The following TOM1L2 variants were observed in gnomAD, a reference collection of about 807,000 sequenced individuals.
TOM1L2 encodes TOM1-like protein 2.
A neutral mutation model predicts 67.9 loss-of-function variants in TOM1L2; 31 were observed. That is an observed-to-expected ratio of 0.46 (90% confidence interval 0.34 to 0.62). The LOEUF (loss-of-function observed/expected upper bound fraction) is 0.62. Ranked by LOEUF, TOM1L2 falls within the 20% of genes least tolerant of loss-of-function variation. The probability of loss-of-function intolerance (pLI) is 0.01; values close to 1 mark genes in which losing one functional copy is unlikely to be tolerated. For synonymous variants in TOM1L2, 256 were observed against 254.0 expected (o/e 1.01, Z -0.07); for missense variants, 606 against 663.5 (o/e 0.91, Z 0.95).
chr17:17,920,824 G>A (rs1239987720), intron 1 of TOM1L2, among the ~76,000 whole-genome samples: 1 of 145,880 alleles, frequency 6.9e-6, no homozygotes, highest in African/African-American at 2.5e-5. Context: ...TAGTAGAGAC[G>A]GGGGTTTCAC....
intron 12 of TOM1L2, among the ~76,000 whole-genome samples, chr17:17,854,412 G>A (rs1598180474): frequency 6.6e-6 from 1 of 152,142 alleles, no homozygotes. Flanking sequence ...GGAGGCCTCG[G>A]TATCCTCATC....
intron 1 of TOM1L2, among the ~76,000 whole-genome samples, chr17:17,923,416 AAACAAC>A (rs546461322): frequency 1.4e-4 from 21 of 151,964 alleles, no homozygotes; most frequent in African/African-American, 2.9e-4. Context: ...AACAACAACA[AAACAAC>A]AACAACAACA....
chr17:17,861,346 G>T (rs1003424230), intron 12 of TOM1L2, 130 bp downstream of exon 12: 2 of 776,264 alleles, frequency 2.6e-6, no homozygotes, highest in Non-Finnish European at 4.2e-6. Flanking sequence ...GTCCCCCGTG[G>T]GTCTCTCCCC....
At chr17:17,869,620 T>TAGA in intron 7 of TOM1L2, 147 bp from the exon 8 acceptor site, 1 of 1,406,172 alleles carries the variant, frequency 7.1e-7, no homozygotes, top group Non-Finnish European at 9.2e-7. Context: ...GAATTCAAAG[T>TAGA]AGAAGTTCCC....
In TOM1L2 at chr17:17,875,386, C is replaced by G. The variant is rs148412933; in HGVS notation, c.777+4241G>C. ...ATGTCCTCTGTGGTGTCATCACAGC[C>G]AGACCCTCAGCAGGCTCACTTGGGA... On this transcript the variant is annotated intron_variant, in intron 7 of 14. Coordinates refer to ENST00000379504, the MANE Select transcript of TOM1L2 (RefSeq NM_001082968.2). Among the ~76,000 whole-genome samples the G allele has an allele frequency of 7.9e-5, 12 of 152,314 alleles. No homozygotes were observed. In the East Asian group the frequency reaches 2.1e-3, roughly 27 times the overall value.
chr17:17,864,981 A>G (rs530096090), intron 10 of TOM1L2, among the ~76,000 whole-genome samples: 1 of 152,220 alleles, frequency 6.6e-6, no homozygotes, highest in Non-Finnish European at 1.5e-5. Context: ...GACGAGAAAT[A>G]TTTTTTAAAA....
intron 2 of TOM1L2, among the ~76,000 whole-genome samples, chr17:17,899,033 T>C (rs1795076198): frequency 6.6e-6 from 1 of 152,212 alleles, no homozygotes; most frequent in African/African-American, 2.4e-5. Flanking sequence ...GGGAAGAGAC[T>C]CTCTAGAAAG....
At chr17:17,917,670 T>C (rs1049693660) in intron 1 of TOM1L2, among the ~76,000 whole-genome samples, 2 of 103,622 alleles carry the variant, frequency 1.9e-5, no homozygotes, top group African/African-American at 1.0e-4. Context: ...CTTAAAAATA[T>C]TAGCTTCCCA....
chr17:17,844,062 T>A lies in TOM1L2; in HGVS notation c.*3573A>T, dbSNP rs2035519645. 1 of 152,496 alleles carries A rather than the reference T, an allele frequency of 6.6e-6. No homozygotes were observed. The highest frequency in any genetic ancestry group is 2.4e-5 in the African/African-American group (1 of 41,458). 9.4% of individuals were successfully genotyped at this position (152,496 alleles called of 1,614,324 possible). A position where few individuals can be genotyped will look rare whatever the true frequency, so the allele number is the denominator to read the frequency against. ...GGTGAGACGTCCCCAAAGCCGACAG[T>A]GCAGAAGCTCCCAGGGACCACTCCA... On this transcript the variant is annotated 3_prime_UTR_variant, in exon 15 of 15. Coordinates refer to ENST00000379504, the MANE Select transcript of TOM1L2 (RefSeq NM_001082968.2).
intron 1 of TOM1L2, among the ~76,000 whole-genome samples, chr17:17,928,509 C>T (rs948578631): frequency 1.1e-4 from 17 of 152,330 alleles, no homozygotes; most frequent in East Asian, 7.7e-4. Flanking sequence ...CAAAAGAGAA[C>T]ACAGAAGGCG....
rs75134216 is a variant in TOM1L2, at chr17:17,892,169, T to A, written c.366+1492A>T. Among the ~76,000 whole-genome samples, 1,245 of 152,256 alleles carry A rather than the reference T, an allele frequency of 8.2e-3. 14 individuals are homozygous for A. Among genetic ancestry groups the A allele is most frequent in the African/African-American group, 0.028 (1,180 of 41,532 alleles). ...GTGAATGAGGAGGAGGAGTCACTGCTCTGAAAGCTGGGGAAAGACCTTTCA... is the reference window on the plus strand; with the variant it reads ...GTGAATGAGGAGGAGGAGTCACTGCACTGAAAGCTGGGGAAAGACCTTTCA... On this transcript the variant is annotated intron_variant, in intron 4 of 14. Coordinates refer to ENST00000379504, the MANE Select transcript of TOM1L2 (RefSeq NM_001082968.2).
At chr17:17,923,590 T>A (rs1473627566) in intron 1 of TOM1L2, among the ~76,000 whole-genome samples, 1 of 152,108 alleles carries the variant, frequency 6.6e-6, no homozygotes, top group African/African-American at 2.4e-5. Flanking sequence ...CTCCAGAGCC[T>A]GAGGCAGGAG....
intron 1 of TOM1L2, among the ~76,000 whole-genome samples, chr17:17,940,468 C>T (rs907188605): frequency 6.6e-6 from 1 of 152,124 alleles, no homozygotes; most frequent in Non-Finnish European, 1.5e-5. Flanking sequence ...GTCAGCACTG[C>T]CCCCACCCAG....
At chr17:17,855,234 G>C (rs1050142361) in intron 12 of TOM1L2, among the ~76,000 whole-genome samples, 2 of 152,310 alleles carry the variant, frequency 1.3e-5, no homozygotes, top group African/African-American at 2.4e-5. Flanking sequence ...CTGCCCAAGG[G>C]GGAGAGGCAT....
intron 8 of TOM1L2, among the ~76,000 whole-genome samples, chr17:17,867,487 T>G (rs1405900015): frequency 6.6e-6 from 1 of 152,152 alleles, no homozygotes; most frequent in Non-Finnish European, 1.5e-5. Flanking sequence ...GTGAGTGTCC[T>G]CTGCACCCAG....
At chr17:17,856,475 C>T (rs1568064237) in intron 12 of TOM1L2, among the ~76,000 whole-genome samples, 2 of 152,226 alleles carry the variant, frequency 1.3e-5, no homozygotes, top group African/African-American at 2.4e-5. Flanking sequence ...CCCTTGCTCC[C>T]ACGGCTCTGG....
chr17:17,898,708 C>A (rs1409788506), intron 2 of TOM1L2, 34 bp from the exon 3 acceptor site: 3 of 1,610,216 alleles, frequency 1.9e-6, no homozygotes, highest in South Asian at 1.1e-5. Flanking sequence ...AAGATACTTA[C>A]AATCCCACTT....
rs1485808204 is a variant in TOM1L2 at position 17,910,216 on chromosome 17, G to A, written c.53-2685C>T. ...TTTGACGGGAAACCCGGGGCCCGCA[G>A]AAGAAAAGGGAAAGGTCCAGGAGCT... is the stretch of plus-strand genomic sequence containing the variant. On this transcript the variant is annotated intron_variant, in intron 1 of 14. Transcript: ENST00000379504. Among the ~76,000 whole-genome samples the A allele has an allele frequency of 5.3e-5, 8 of 152,282 alleles. No homozygotes were observed. The East Asian group carries it at 1.5e-3, about 29-fold the overall frequency.
chr17:17,920,335 ATTTTTTTTT>A (rs771122365), intron 1 of TOM1L2, among the ~76,000 whole-genome samples: 64 of 93,274 alleles, frequency 6.9e-4, no homozygotes, highest in Middle Eastern at 9.4e-3. Flanking sequence ...AATGTTCAAT[ATTTTTTTTT>A]TTTTTTTTTT....
Sources: allele counts gnomAD v4.1 joint callset (sites outside exome capture counted in the v4.1 genomes callset), GRCh38; gene constraint gnomAD v4.1.1; transcripts MANE v1.5; gene names NCBI Gene and HGNC (gene_info 2026-07-23, HGNC 2026-07-21).